Variants in CLDN18 observed in about 807,000 individuals in gnomAD.
The protein encoded by CLDN18 is claudin 18, also known as claudin-18.
CLDN18 carries 20 observed loss-of-function variants against 25.0 expected under a neutral mutation model. The observed-to-expected ratio is 0.80, with a 90% CI of 0.56 to 1.16. CLDN18 has a LOEUF of 1.16. Ranked by LOEUF, CLDN18 falls within the 50% of genes most tolerant of loss-of-function variation. The pLI is 0.00. For synonymous variants in CLDN18, 125 were observed against 135.6 expected (o/e 0.92, Z 0.54); for missense variants, 297 against 345.4 (o/e 0.86, Z 1.11).
rs1941985103 is a variant in CLDN18 at position 137,998,881 on chromosome 3, G to A, written c.13G>A (p.Ala5Thr). ...ACTGTGCGCCACCATGGCCGTGACT[G>A]CCTGTCAGGGCTTGGGGTTCGTGGT... Residue 5 changes from alanine (A) to threonine (T), a missense_variant, in exon 1 of 5, where the codon GCC becomes ACC. Physicochemically the swap from Ala to Thr is moderately conservative, Grantham distance 58 (BLOSUM62 0). Transcript: ENST00000343735. 1.9e-6 allele frequency: 3 copies of A among 1,614,230 alleles called. No individual in the cohort carries two copies. The East Asian group carries it at 6.7e-5, about 36-fold the overall frequency.
chr3:138,017,007 G>T (rs1942213632), intron 1 of CLDN18, among the ~76,000 whole-genome samples: 1 of 151,512 alleles, frequency 6.6e-6, no homozygotes, highest in African/African-American at 2.4e-5. Context: ...AGTGAGCTGA[G>T]ATCGCGCCAC....
intron 3 of CLDN18, among the ~76,000 whole-genome samples, chr3:138,027,540 A>C (rs1942340616): frequency 6.6e-6 from 1 of 152,232 alleles, no homozygotes; most frequent in African/African-American, 2.4e-5. Flanking sequence ...TCATTGGAGA[A>C]GTTACTTAAC....
intron 1 of CLDN18, among the ~76,000 whole-genome samples, chr3:138,016,987 C>G (rs534049190): frequency 2.9e-4 from 44 of 151,682 alleles, no homozygotes; most frequent in Non-Finnish European, 4.3e-4. Context: ...ACCCAGGAGG[C>G]AGAGGTTGCA....
At chr3:138,001,200 C>T (rs750104612) in intron 1 of CLDN18, among the ~76,000 whole-genome samples, 4 of 152,218 alleles carry the variant, frequency 2.6e-5, no homozygotes, top group Non-Finnish European at 4.4e-5. Flanking sequence ...CCCTGGCTTG[C>T]AGCCCTAATA....
chr3:138,002,143 C>T (rs1942025597), intron 1 of CLDN18, among the ~76,000 whole-genome samples: 1 of 152,128 alleles, frequency 6.6e-6, no homozygotes, highest in African/African-American at 2.4e-5. Context: ...TAGCCACCAC[C>T]CTCTCAGCGA....
rs1264394401 is a variant in CLDN18 at position 138,024,713 on chromosome 3, T to G, written c.492T>G (p.Thr164=). The change falls in exon 3 of 5, where the codon ACT becomes ACG. Residue 164 remains threonine (T), a synonymous_variant. Transcript: ENST00000183605. ...MYTGMGGMVQ[T]VQTRYTFGAA... is the part of the protein sequence containing the mutation. ...CCGGCATGGGTGGGATGGTGCAGAC[T>G]GTTCAGACCAGGTAACCTCCTAATC... 2 of 1,593,016 alleles carry G rather than the reference T, an allele frequency of 1.3e-6. No homozygotes were observed. Among genetic ancestry groups the G allele is most frequent in the East Asian group, 2.2e-5 (1 of 44,764 alleles).
At chr3:138,011,175 G>C (rs1480928986) in intron 1 of CLDN18, among the ~76,000 whole-genome samples, 1 of 152,126 alleles carries the variant, frequency 6.6e-6, no homozygotes, top group Non-Finnish European at 1.5e-5. Context: ...TGAATAATAT[G>C]GGAGCTCTAT....
chr3:138,001,070 C>T (rs1215816130), intron 1 of CLDN18, among the ~76,000 whole-genome samples: 1 of 152,258 alleles, frequency 6.6e-6, no homozygotes, highest in Non-Finnish European at 1.5e-5. Flanking sequence ...TCTACAGCCA[C>T]CTTGTTAGTT....
chr3:138,010,211 C>T lies in CLDN18; in HGVS notation c.-15C>T, dbSNP rs755675744. 9.3e-6 allele frequency: 15 copies of T among 1,608,620 alleles called. No individual in the cohort carries two copies. Among genetic ancestry groups the T allele is most frequent in the Middle Eastern group, 1.8e-4 (1 of 5,626 alleles). On this transcript the variant is annotated 5_prime_UTR_variant, in exon 1 of 5. Transcript: ENST00000183605. ...CGGCAGCTTCTCGCAGGCGGCAGGG[C>T]GGGCGGCCAGGATCATGTCCACCAC...
At position 138,010,325 on chromosome 3, in the gene CLDN18, G is replaced by T. The variant is rs1216177690; in HGVS notation, c.100G>T (p.Asp34Tyr). The T allele has an allele frequency of 6.2e-7, 1 of 1,614,198 alleles. No individual in the cohort carries two copies. Among genetic ancestry groups the T allele is most frequent in the South Asian group, 1.1e-5 (1 of 91,082 alleles). ...ATGMDMWSTQ[D>Y]LYDNPVTSVF... is the part of the protein sequence containing the mutation. ...CGGGATGGACATGTGGAGCACCCAG[G>T]ACCTGTACGACAACCCCGTCACCTC... The change falls in exon 1 of 5, where the codon GAC (aspartate) becomes TAC (tyrosine). Residue 34 changes from aspartate to tyrosine, a missense_variant. Coordinates refer to ENST00000183605, the MANE Select transcript of CLDN18 (RefSeq NM_016369.4).
At chr3:138,024,180 CTTAG>C (rs1467457579) in intron 2 of CLDN18, among the ~76,000 whole-genome samples, 1 of 151,112 alleles carries the variant, frequency 6.6e-6, no homozygotes, top group South Asian at 2.1e-4. Flanking sequence ...AAAAAAAAAA[CTTAG>C]TTAGCTTTTG....
rs1942306792 is a variant in CLDN18, at chr3:138,024,822, A to G, written c.503+98A>G. 7 of 666,776 alleles carry G rather than the reference A, an allele frequency of 1.0e-5. No homozygotes were observed. The South Asian group carries it at 1.4e-4, about 14-fold the overall frequency. 41.3% of individuals were successfully genotyped at this position (666,776 alleles called of 1,614,324 possible). A position where few individuals can be genotyped will look rare whatever the true frequency, so the allele number is the denominator to read the frequency against. ...CCTAATGTGACTGTCAGTGCCTGAA[A>G]TAGCAAAAATTATCAGAGACAACCA... On this transcript the variant is annotated intron_variant, in intron 3 of 4. Transcript: ENST00000183605.
intron 1 of CLDN18, among the ~76,000 whole-genome samples, chr3:138,011,768 A>G (rs1023703225): frequency 2.6e-5 from 4 of 152,144 alleles, no homozygotes; most frequent in African/African-American, 9.7e-5. Flanking sequence ...CCCACTACAT[A>G]TTATCAATCT....
Position 138,032,250 on chromosome 3 carries a change from T to C in CLDN18, c.*1109T>C, listed in dbSNP as rs1048306539. On this transcript the variant is annotated 3_prime_UTR_variant, in exon 5 of 5. Coordinates refer to ENST00000183605, the MANE Select transcript of CLDN18 (RefSeq NM_016369.4). ...GCCTGGGCAACATGGAGAAGCCCTG[T>C]CTCTACAAAATACAGAGAGAAAAAA... 3 of 151,894 alleles carry C rather than the reference T, an allele frequency of 2.0e-5. No individual in the cohort carries two copies. The highest frequency in any genetic ancestry group is 6.6e-5 in the Admixed American group (1 of 15,242). 9.4% of individuals were successfully genotyped at this position (151,894 alleles called of 1,614,324 possible).
At chr3:138,000,685 A>C (rs1045204959) in intron 1 of CLDN18, among the ~76,000 whole-genome samples, 1 of 152,348 alleles carries the variant, frequency 6.6e-6, no homozygotes, top group Admixed American at 6.5e-5. Context: ...AAACAGCGGA[A>C]CGTGAGCCAG....
At position 138,031,284 on chromosome 3, in the gene CLDN18, A is replaced by G. The variant is rs1046370929; in HGVS notation, c.*143A>G. 4.6e-6 allele frequency: 3 copies of G among 648,092 alleles called. No individual in the cohort carries two copies. The highest frequency in any genetic ancestry group is 7.5e-6 in the Non-Finnish European group (3 of 397,358). The allele number at this position is 648,092 out of a possible 1,614,324, so 40.1% of individuals were successfully genotyped here. On this transcript the variant is annotated 3_prime_UTR_variant, in exon 5 of 5. Coordinates refer to ENST00000183605, the MANE Select transcript of CLDN18 (RefSeq NM_016369.4). ...CTCGATTTCATCTTTGGAGAGGCCA[A>G]ATGGTCTTAGCCTCAGTCTCTGTCT...
intron 1 of CLDN18, among the ~76,000 whole-genome samples, chr3:137,999,647 C>T (rs548003914): frequency 1.3e-5 from 2 of 152,296 alleles, no homozygotes; most frequent in Admixed American, 6.5e-5. Flanking sequence ...TCCAGGTTCC[C>T]GATCTCCAGA....
At chr3:138,025,274 G>C (rs752216815) in intron 3 of CLDN18, among the ~76,000 whole-genome samples, 9 of 152,188 alleles carry the variant, frequency 5.9e-5, no homozygotes, top group Non-Finnish European at 1.0e-4. Context: ...ACTCTCACAG[G>C]GGGTACAGTC....
rs1041591608 is a variant in CLDN18 at position 138,031,203 on chromosome 3, G to A, written c.*62G>A. The A allele has an allele frequency of 6.4e-6, 9 of 1,398,772 alleles. No individual in the cohort carries two copies. Among genetic ancestry groups the A allele is most frequent in the Non-Finnish European group, 8.7e-6 (9 of 1,033,262 alleles). 86.6% of individuals were successfully genotyped at this position (1,398,772 alleles called of 1,614,324 possible). A position where few individuals can be genotyped will look rare whatever the true frequency, so the allele number is the denominator to read the frequency against. ...CCGGAGAGCTCACCCAAAAAACAAGGAGATCCCATCTAGATTTCTTCTTGC... is the reference window on the plus strand; with the variant it reads ...CCGGAGAGCTCACCCAAAAAACAAGAAGATCCCATCTAGATTTCTTCTTGC... On this transcript the variant is annotated 3_prime_UTR_variant, in exon 5 of 5. Coordinates refer to ENST00000183605, the MANE Select transcript of CLDN18 (RefSeq NM_016369.4).
Sources: allele counts gnomAD v4.1 joint callset (sites outside exome capture counted in the v4.1 genomes callset), GRCh38; gene constraint gnomAD v4.1.1; transcripts MANE v1.5; gene names NCBI Gene and HGNC (gene_info 2026-07-23, HGNC 2026-07-21).